TRIO: variants seen among roughly 807,000 people sequenced by gnomAD.
The protein encoded by TRIO is trio Rho guanine nucleotide exchange factor.
Under a neutral mutation model 351.9 loss-of-function variants are expected in TRIO, and 58 were observed. The observed-to-expected ratio is 0.16, with a 90% CI of 0.13 to 0.21. TRIO has a LOEUF of 0.21. Among genes scored for constraint, TRIO ranks in the 10% least tolerant of loss-of-function variants. TRIO has a pLI of 1.00. For missense variants in TRIO, 3,201 were observed against 4,027.8 expected (o/e 0.79, Z 5.56); for synonymous variants, 1,758 against 1,595.7 (o/e 1.10, Z -2.42).
rs1753746753 is a variant in TRIO at position 14,461,010 on chromosome 5, C to G, written c.5204-9C>G. On this transcript the variant is annotated splice_polypyrimidine_tract_variant and intron_variant, in intron 34 of 56. Coordinates refer to ENST00000344204, the MANE Select transcript of TRIO (RefSeq NM_007118.4). ...AGTCAGTGATACTCCCTCTCTTTCTCCCTGGCAGACTCGCTCTCCGTCTCC... is the reference window on the plus strand; with the variant it reads ...AGTCAGTGATACTCCCTCTCTTTCTGCCTGGCAGACTCGCTCTCCGTCTCC... 1 of 1,554,196 alleles carries G rather than the reference C, an allele frequency of 6.4e-7. No individual in the cohort carries two copies. Among genetic ancestry groups the G allele is most frequent in the Admixed American group, 1.8e-5 (1 of 54,988 alleles).
intron 7 of TRIO, among the ~76,000 whole-genome samples, chr5:14,303,115 C>T (rs185044): frequency 7.0e-5 from 7 of 99,528 alleles, no homozygotes; most frequent in South Asian, 7.3e-4. Context: ...GCCGCAGGAC[C>T]GTTGATGATC....
In TRIO at chr5:14,323,756, A is replaced by G. The variant is rs16903394; in HGVS notation, c.1731+7013A>G. Among the ~76,000 whole-genome samples the G allele has an allele frequency of 8.0e-3, 1,221 of 152,378 alleles. 18 individuals carry two copies. Among genetic ancestry groups the G allele is most frequent in the African/African-American group, 0.028 (1,162 of 41,586 alleles). ...GTAAAGTACGCCAGAGCACTAGGAA[A>G]GAAAGTGTGAGCTAGACTAACACAG... On this transcript the variant is annotated intron_variant, in intron 9 of 56. Coordinates refer to ENST00000344204, the MANE Select transcript of TRIO (RefSeq NM_007118.4).
intron 3 of TRIO, among the ~76,000 whole-genome samples, chr5:14,282,565 T>TA (rs895977524): frequency 3.3e-4 from 48 of 146,348 alleles, no homozygotes; most frequent in East Asian, 5.9e-4. Flanking sequence ...TGACCCACTT[T>TA]AAAAAAAAAA....
chr5:14,290,616 T>C, intron 4 of TRIO, 100 bp from the exon 5 acceptor site: 2 of 1,259,480 alleles, frequency 1.6e-6, no homozygotes, highest in Admixed American at 2.6e-5. Context: ...AATAGATTAC[T>C]TTAACTTTGA....
At chr5:14,153,999 CTT>C (rs984566364) in intron 1 of TRIO, among the ~76,000 whole-genome samples, 3 of 152,174 alleles carry the variant, frequency 2.0e-5, no homozygotes, top group African/African-American at 7.2e-5. Context: ...TGCCTTTCCT[CTT>C]CTCACCTAAT....
At chr5:14,156,150 G>T (rs543250313) in intron 1 of TRIO, among the ~76,000 whole-genome samples, 2 of 152,212 alleles carry the variant, frequency 1.3e-5, no homozygotes, top group African/African-American at 4.8e-5. Flanking sequence ...CCTTCATCCT[G>T]GCTCTTTTAT....
intron 1 of TRIO, among the ~76,000 whole-genome samples, chr5:14,243,485 CT>C (rs2152237876): frequency 6.6e-6 from 1 of 151,938 alleles, no homozygotes; most frequent in East Asian, 1.9e-4. Context: ...ATAATGGTAA[CT>C]TTTATTATGA....
chr5:14,406,435 G>T (rs1257883061), intron 32 of TRIO, 138 bp from the exon 33 acceptor site: 2 of 773,116 alleles, frequency 2.6e-6, no homozygotes, highest in Non-Finnish European at 4.5e-6. Flanking sequence ...GGTGAAGGGT[G>T]CCTTAACCAT....
At chr5:14,225,798 C>A (rs1034785584) in intron 1 of TRIO, among the ~76,000 whole-genome samples, 2 of 134,304 alleles carry the variant, frequency 1.5e-5, no homozygotes, top group Non-Finnish European at 3.2e-5. Context: ...TCCCACCCCC[C>A]CCCCCACCTC....
chr5:14,183,678 G>C (rs1444378693), intron 1 of TRIO: 1 of 342,420 alleles, frequency 2.9e-6, no homozygotes, highest in Non-Finnish European at 5.3e-6. Flanking sequence ...AATGGGTTTG[G>C]TTTCAGACTT....
chr5:14,180,262 C>T (rs1177207332), intron 1 of TRIO, among the ~76,000 whole-genome samples: 1 of 152,044 alleles, frequency 6.6e-6, no homozygotes, highest in Non-Finnish European at 1.5e-5. Context: ...AATTTCCAAA[C>T]CGATCATTAG....
At chr5:14,237,441 G>T (rs570877661) in intron 1 of TRIO, among the ~76,000 whole-genome samples, 22 of 152,154 alleles carry the variant, frequency 1.4e-4, no homozygotes. Context: ...GTGTGATGGG[G>T]CCCGTAAGAA....
intron 34 of TRIO, among the ~76,000 whole-genome samples, chr5:14,438,509 GT>G (rs1456794790): frequency 6.6e-6 from 1 of 152,178 alleles, no homozygotes; most frequent in Admixed American, 6.5e-5. Flanking sequence ...TCACCCACCT[GT>G]TTTCACCTCC....
chr5:14,339,349 T>C (rs144220609), intron 11 of TRIO, among the ~76,000 whole-genome samples: 2 of 152,308 alleles, frequency 1.3e-5, no homozygotes, highest in African/African-American at 2.4e-5. Context: ...TATAAGACCA[T>C]GGAGTCTGTA....
intron 1 of TRIO, among the ~76,000 whole-genome samples, chr5:14,211,962 A>AT (rs1297908675): frequency 2.1e-5 from 1 of 47,864 alleles, no homozygotes; most frequent in Non-Finnish European, 5.8e-5. Flanking sequence ...AAAAAAAAAA[A>AT]CCAAAAAAAC....
intron 1 of TRIO, among the ~76,000 whole-genome samples, chr5:14,231,845 T>C (rs1793450886): frequency 3.9e-5 from 2 of 50,704 alleles, no homozygotes; most frequent in Non-Finnish European, 3.7e-5. Context: ...CAGTGACTGA[T>C]TTTTTTTTTT....
intron 34 of TRIO, among the ~76,000 whole-genome samples, chr5:14,457,053 C>T (rs1211185240): frequency 6.6e-6 from 1 of 152,106 alleles, no homozygotes; most frequent in African/African-American, 2.4e-5. Context: ...CAGAGAGAGT[C>T]AAATAGCATG....
intron 1 of TRIO, among the ~76,000 whole-genome samples, chr5:14,261,116 A>G (rs1297812779): frequency 6.6e-6 from 1 of 152,206 alleles, no homozygotes; most frequent in Non-Finnish European, 1.5e-5. Context: ...GGTAGAGGCT[A>G]CTCATGTGGA....
intron 7 of TRIO, among the ~76,000 whole-genome samples, chr5:14,298,519 A>G (rs1264576202): frequency 6.6e-6 from 1 of 152,196 alleles, no homozygotes; most frequent in Admixed American, 6.5e-5. Flanking sequence ...GATGCTTCTT[A>G]AAAAGGAAAT....
Sources: gnomAD v4.1 joint callset for allele counts (sites outside exome capture counted in the v4.1 genomes callset) on GRCh38, gnomAD v4.1.1 for gene constraint, MANE v1.5 for transcripts, NCBI Gene and HGNC (gene_info 2026-07-23, HGNC 2026-07-21) for gene names.